SLC8A1: variants seen among roughly 807,000 people sequenced by gnomAD.
The protein encoded by SLC8A1 is sodium/calcium exchanger 1.
In SLC8A1, 18 loss-of-function variants were observed where a neutral mutation model predicts 68.3. That is an observed-to-expected ratio of 0.26 (90% CI 0.18 to 0.39). The LOEUF is 0.39. SLC8A1 is among the 10% of genes least tolerant of loss of function. The pLI, the probability that SLC8A1 is intolerant of heterozygous loss-of-function variation, is 1.00. For missense variants in SLC8A1, 985 were observed against 1,156.7 expected (o/e 0.85, Z 2.15); for synonymous variants, 475 against 415.5 (o/e 1.14, Z -1.74).
Position 40,170,353 on chromosome 2 carries a change from G to C in SLC8A1, c.1930+4472C>G. On this transcript the variant is annotated intron_variant, in intron 4 of 7. Transcript: ENST00000406785. ...ACCTTCCTGAAGACAGGTTGGCCTA[G>C]CAAAAGGACAGGCAGAAAAATCAGC... The C allele has an allele frequency of 6.2e-7, 1 of 1,613,858 alleles. No individual in the cohort carries two copies. The highest frequency in any genetic ancestry group is 8.5e-7 in the Non-Finnish European group (1 of 1,179,760).
At chr2:40,132,528 G>A (rs563353220) in intron 7 of SLC8A1, among the ~76,000 whole-genome samples, 5 of 151,996 alleles carry the variant, frequency 3.3e-5, no homozygotes, top group South Asian at 2.1e-4. Context: ...ATGGTCCACC[G>A]AGAAGTAAAG....
intron 2 of SLC8A1, among the ~76,000 whole-genome samples, chr2:40,379,941 G>A (rs1180518727): frequency 6.6e-6 from 1 of 152,092 alleles, no homozygotes; most frequent in Non-Finnish European, 1.5e-5. Flanking sequence ...AAGAGCTCTA[G>A]TAGGTCTCAT....
chr2:40,347,906 C>T (rs145107389), intron 2 of SLC8A1, among the ~76,000 whole-genome samples: 32 of 152,178 alleles, frequency 2.1e-4, no homozygotes, highest in Middle Eastern at 6.8e-3. Flanking sequence ...CAATGGCTTA[C>T]GGTCTACACA....
intron 2 of SLC8A1, among the ~76,000 whole-genome samples, chr2:40,325,511 C>A (rs1391564156): frequency 6.6e-6 from 1 of 152,068 alleles, no homozygotes; most frequent in East Asian, 1.9e-4. Flanking sequence ...GAAGGCTGCA[C>A]CTTTTCATAT....
chr2:40,333,318 G>A lies in SLC8A1; in HGVS notation c.1808+95155C>T, dbSNP rs377222401. Among the ~76,000 whole-genome samples the A allele has an allele frequency of 9.2e-5, 14 of 151,858 alleles. No individual in the cohort carries two copies. In the South Asian group the frequency reaches 2.9e-3, roughly 31 times the overall value. On this transcript the variant is annotated intron_variant, in intron 2 of 7. Coordinates refer to ENST00000406785, the Ensembl canonical transcript of SLC8A1. Reference sequence around the variant, plus strand: ...CCAGGTGTGGTGGCATGTGCCTGTAGTCCCAGTTACTCGGGAGGTTGAGGC... The same window carrying A: ...CCAGGTGTGGTGGCATGTGCCTGTAATCCCAGTTACTCGGGAGGTTGAGGC...
exon 8 of SLC8A1, chr2:40,111,316 G>C (rs2034540649): frequency 6.6e-6 from 1 of 152,088 alleles, no homozygotes; most frequent in South Asian, 2.1e-4. Flanking sequence ...TAATCTTTTT[G>C]CTATATAAAG....
chr2:40,307,390 G>C (rs1190398235), intron 2 of SLC8A1, among the ~76,000 whole-genome samples: 2 of 152,072 alleles, frequency 1.3e-5, no homozygotes, highest in African/African-American at 4.8e-5. Context: ...GGGAGAAGGG[G>C]AAAAGGGGAG....
At chr2:40,348,808 T>C (rs1219065761) in intron 2 of SLC8A1, among the ~76,000 whole-genome samples, 5 of 152,130 alleles carry the variant, frequency 3.3e-5, no homozygotes, top group Non-Finnish European at 7.4e-5. Context: ...AGGAAAGAAG[T>C]GGGTCAGTCT....
intron 2 of SLC8A1, among the ~76,000 whole-genome samples, chr2:40,384,664 A>G (rs1477005): frequency 0.71 from 107,626 of 152,022 alleles, 39,652 homozygotes; most frequent in African/African-American, 0.92. Flanking sequence ...AATATTTTAT[A>G]TTTTTTATTT....
intron 2 of SLC8A1, among the ~76,000 whole-genome samples, chr2:40,206,800 C>CAA (rs1324989479): frequency 6.6e-6 from 1 of 151,952 alleles, no homozygotes; most frequent in Non-Finnish European, 1.5e-5. Flanking sequence ...GACTCAAAAA[C>CAA]AAGTTTTATA....
intron 7 of SLC8A1, among the ~76,000 whole-genome samples, chr2:40,130,859 G>A (rs1162775381): frequency 6.6e-6 from 1 of 152,204 alleles, no homozygotes; most frequent in African/African-American, 2.4e-5. Context: ...CAGTGAAACT[G>A]CAGGAAACAG....
chr2:40,158,886 T>C (rs1285722275), intron 6 of SLC8A1, among the ~76,000 whole-genome samples: 1 of 152,188 alleles, frequency 6.6e-6, no homozygotes, highest in Non-Finnish European at 1.5e-5. Flanking sequence ...TATTAACATC[T>C]TTATAGTTGT....
chr2:40,488,071 T>C (rs1382477815), intron 1 of SLC8A1, among the ~76,000 whole-genome samples: 1 of 152,042 alleles, frequency 6.6e-6, no homozygotes, highest in Non-Finnish European at 1.5e-5. Flanking sequence ...AATGAGTATC[T>C]GAGTAAAAGT....
intron 6 of SLC8A1, among the ~76,000 whole-genome samples, chr2:40,150,967 C>G (rs1047839791): frequency 6.6e-6 from 1 of 152,138 alleles, no homozygotes; most frequent in African/African-American, 2.4e-5. Context: ...CCTAGAATAT[C>G]TCCCATAAAT....
intron 2 of SLC8A1, among the ~76,000 whole-genome samples, chr2:40,278,446 C>T (rs979370335): frequency 7.3e-5 from 11 of 151,300 alleles, no homozygotes; most frequent in Non-Finnish European, 1.3e-4. Context: ...TCCAGCCTGG[C>T]GACAGAGCGA....
At chr2:40,426,886 G>A (rs1217673509) in intron 2 of SLC8A1, among the ~76,000 whole-genome samples, 3 of 151,830 alleles carry the variant, frequency 2.0e-5, no homozygotes, top group Non-Finnish European at 4.4e-5. Flanking sequence ...AGAATTCCTA[G>A]CAAAGGAATA....
intron 2 of SLC8A1, among the ~76,000 whole-genome samples, chr2:40,295,148 A>G (rs1004612235): frequency 2.6e-5 from 4 of 152,026 alleles, no homozygotes; most frequent in African/African-American, 7.2e-5. Flanking sequence ...CACTCAGGCT[A>G]GAGTGCAGTG....
At chr2:40,342,024 T>G (rs146660954) in intron 2 of SLC8A1, among the ~76,000 whole-genome samples, 120 of 152,248 alleles carry the variant, frequency 7.9e-4, no homozygotes, top group African/African-American at 2.9e-3. Context: ...ATAGACCTAA[T>G]CAAAGGTTAT....
chr2:40,224,372 A>G (rs2058713416), intron 2 of SLC8A1, among the ~76,000 whole-genome samples: 1 of 152,104 alleles, frequency 6.6e-6, no homozygotes, highest in African/African-American at 2.4e-5. Context: ...AAAAGCCCCT[A>G]TTTAGAACTG....
Sources: gnomAD v4.1 joint callset for allele counts (sites outside exome capture counted in the v4.1 genomes callset) on GRCh38, gnomAD v4.1.1 for gene constraint, MANE v1.5 for transcripts, NCBI Gene and HGNC (gene_info 2026-07-23, HGNC 2026-07-21) for gene names.